The following GNA14 variants were observed in gnomAD, a reference collection of about 807,000 sequenced individuals.
GNA14 encodes G protein subunit alpha 14.
Under a neutral mutation model 42.0 loss-of-function variants are expected in GNA14, and 50 were observed. That is an observed-to-expected ratio of 1.19 (90% CI 0.95 to 1.51). GNA14 has a LOEUF of 1.51. GNA14 is among the 40% of genes most tolerant of loss of function. The pLI is 0.00. For missense variants in GNA14, 473 were observed against 446.2 expected (o/e 1.06, Z -0.54); for synonymous variants, 173 against 163.1 (o/e 1.06, Z -0.46).
At chr9:77,647,054 C>T (rs569798073) in intron 1 of GNA14, among the ~76,000 whole-genome samples, 2 of 152,304 alleles carry the variant, frequency 1.3e-5, no homozygotes, top group South Asian at 4.1e-4. Flanking sequence ...TAGGAGCTCA[C>T]GGTCAGAGGA....
intron 1 of GNA14, among the ~76,000 whole-genome samples, chr9:77,645,920 T>C (rs1824344118): frequency 6.6e-6 from 1 of 152,164 alleles, no homozygotes; most frequent in Non-Finnish European, 1.5e-5. Context: ...CCCCTCTGGT[T>C]TGTGGGGTTC....
chr9:77,456,996 T>C (rs1836011286), intron 2 of GNA14, among the ~76,000 whole-genome samples: 1 of 152,210 alleles, frequency 6.6e-6, no homozygotes, highest in Non-Finnish European at 1.5e-5. Flanking sequence ...TGTGACTCAC[T>C]AGGATTCACT....
rs1823050092 is a variant in GNA14 at position 77,571,004 on chromosome 9, A to C, written c.125-41751T>G. On this transcript the variant is annotated intron_variant, in intron 1 of 6. Coordinates refer to ENST00000341700, the MANE Select transcript of GNA14 (RefSeq NM_004297.4). ...ACTAAGTGCTAGGCATACCTTACTTAATGCTCATGTACTCTATGATAGAGG... is the reference window on the plus strand; with the variant it reads ...ACTAAGTGCTAGGCATACCTTACTTCATGCTCATGTACTCTATGATAGAGG... 3.9e-5 allele frequency among the ~76,000 whole-genome samples: 6 copies of C among 152,320 alleles called. No individual in the cohort carries two copies. In the South Asian group the frequency reaches 1.2e-3, roughly 32 times the overall value.
intron 2 of GNA14, among the ~76,000 whole-genome samples, chr9:77,488,527 G>A (rs1836698757): frequency 6.6e-6 from 1 of 152,104 alleles, no homozygotes. Context: ...AAATCAGAGT[G>A]TTCAGCAGCA....
intron 2 of GNA14, among the ~76,000 whole-genome samples, chr9:77,467,445 G>A (rs1445932704): frequency 6.6e-6 from 1 of 151,122 alleles, no homozygotes; most frequent in Non-Finnish European, 1.5e-5. Context: ...GGAGCCCTTG[G>A]GGTGAACATC....
chr9:77,433,316 T>C (rs1313297665), intron 3 of GNA14, among the ~76,000 whole-genome samples: 1 of 152,148 alleles, frequency 6.6e-6, no homozygotes, highest in Admixed American at 6.5e-5. Flanking sequence ...GAAGGACCCA[T>C]ATCAAACTAT....
chr9:77,584,595 G>A (rs903591629), intron 1 of GNA14, among the ~76,000 whole-genome samples: 4 of 146,970 alleles, frequency 2.7e-5, no homozygotes, highest in African/African-American at 1.0e-4. Flanking sequence ...GATGCCAAGG[G>A]GCAGGGAGGT....
chr9:77,557,823 C>T (rs949764098), intron 1 of GNA14, among the ~76,000 whole-genome samples: 3 of 152,162 alleles, frequency 2.0e-5, no homozygotes, highest in Non-Finnish European at 4.4e-5. Context: ...CGGGATCATT[C>T]GCATAATGTT....
At chr9:77,499,781 C>T (rs1291320267) in intron 2 of GNA14, among the ~76,000 whole-genome samples, 1 of 152,048 alleles carries the variant, frequency 6.6e-6, no homozygotes, top group Non-Finnish European at 1.5e-5. Flanking sequence ...ACCTGGAAGG[C>T]AGAGGTTGCA....
intron 1 of GNA14, among the ~76,000 whole-genome samples, chr9:77,529,584 G>A (rs551394646): frequency 2.0e-5 from 3 of 152,290 alleles, no homozygotes; most frequent in Non-Finnish European, 2.9e-5. Flanking sequence ...GCTGCGTCAG[G>A]GTGCAGGGAG....
rs1371934039 is a variant in GNA14, at chr9:77,423,181, A to C, written c.*798T>G. 1 of 152,152 alleles carries C rather than the reference A, an allele frequency of 6.6e-6. No individual in the cohort carries two copies. The highest frequency in any genetic ancestry group is 6.6e-5 in the Admixed American group (1 of 15,252). The allele number at this position is 152,152 out of a possible 1,614,324, so 9.4% of individuals were successfully genotyped here. Reference sequence around the variant, plus strand: ...CATCAGAACTTTGGCAGGGTTACGTAACATTTGTCAAACAATGTGGACTTC... The same window carrying C: ...CATCAGAACTTTGGCAGGGTTACGTCACATTTGTCAAACAATGTGGACTTC... On this transcript the variant is annotated 3_prime_UTR_variant, in exon 7 of 7. Transcript: ENST00000341700.
chr9:77,486,575 C>T (rs1047101030), intron 2 of GNA14, among the ~76,000 whole-genome samples: 3 of 152,190 alleles, frequency 2.0e-5, no homozygotes, highest in African/African-American at 4.8e-5. Context: ...ACATGCCTTC[C>T]TCACTAAGCT....
intron 2 of GNA14, among the ~76,000 whole-genome samples, chr9:77,474,772 C>T (rs898420626): frequency 6.6e-6 from 1 of 152,092 alleles, no homozygotes; most frequent in Non-Finnish European, 1.5e-5. Flanking sequence ...TATGGATAAA[C>T]AAAACATGAC....
At chr9:77,488,088 A>G (rs1055152003) in intron 2 of GNA14, among the ~76,000 whole-genome samples, 7 of 152,246 alleles carry the variant, frequency 4.6e-5, no homozygotes, top group African/African-American at 9.6e-5. Flanking sequence ...TGTAGAAGCA[A>G]GCTGCCTTCA....
At chr9:77,566,079 C>T (rs185041128) in intron 1 of GNA14, among the ~76,000 whole-genome samples, 5 of 151,708 alleles carry the variant, frequency 3.3e-5, no homozygotes, top group Admixed American at 3.3e-4. Context: ...CAAATATCAC[C>T]GGTGCTGAGG....
intron 2 of GNA14, among the ~76,000 whole-genome samples, chr9:77,514,642 C>T (rs1837220337): frequency 7.0e-6 from 1 of 142,886 alleles, no homozygotes; most frequent in Non-Finnish European, 1.5e-5. Context: ...GAGACAGAGT[C>T]TCACTCTGTC....
chr9:77,444,145 C>A (rs1444842571), intron 2 of GNA14, among the ~76,000 whole-genome samples: 3 of 152,178 alleles, frequency 2.0e-5, no homozygotes, highest in African/African-American at 7.2e-5. Context: ...ACTGACGTTT[C>A]CCAGAATGCC....
At chr9:77,446,124 C>A (rs1316460940) in intron 2 of GNA14, among the ~76,000 whole-genome samples, 3 of 152,172 alleles carry the variant, frequency 2.0e-5, no homozygotes, top group Non-Finnish European at 4.4e-5. Context: ...GCAGGGCTCA[C>A]GGGAGCTCTC....
intron 2 of GNA14, among the ~76,000 whole-genome samples, chr9:77,448,641 A>G (rs575371069): frequency 4.6e-5 from 7 of 152,336 alleles, no homozygotes; most frequent in African/African-American, 1.7e-4. Flanking sequence ...TTAAATGCAT[A>G]CAAGTAGCGT....
Sources: allele counts gnomAD v4.1 joint callset (sites outside exome capture counted in the v4.1 genomes callset), GRCh38; gene constraint gnomAD v4.1.1; transcripts MANE v1.5; gene names NCBI Gene and HGNC (gene_info 2026-07-23, HGNC 2026-07-21).